The following AFAP1 variants were observed in gnomAD, a reference collection of about 807,000 sequenced individuals.
The protein encoded by AFAP1 is actin filament associated protein 1.
A neutral mutation model predicts 93.9 loss-of-function variants in AFAP1; 75 were observed. That is an observed-to-expected ratio of 0.80 (90% CI 0.66 to 0.97). The LOEUF (loss-of-function observed/expected upper bound fraction) is 0.97, where lower values mean the gene tolerates loss of function less well. AFAP1 is among the 50% of genes least tolerant of loss of function. AFAP1 has a pLI of 0.00. For synonymous variants in AFAP1, 517 were observed against 430.7 expected (o/e 1.20, Z -2.48); for missense variants, 1,201 against 1,050.8 (o/e 1.14, Z -1.98).
chr4:7,812,717 T>C lies in AFAP1; in HGVS notation c.905-2954A>G, dbSNP rs76878860. Among the ~76,000 whole-genome samples the C allele has an allele frequency of 1.2e-4, 19 of 152,324 alleles. No individual in the cohort carries two copies. In the East Asian group the frequency reaches 3.7e-3, roughly 29 times the overall value. ...ACTGGAGCAAGACTAACGCCGGGCATTCTCTAAAACCATGAGTATCATAAA... is the reference window on the plus strand; with the variant it reads ...ACTGGAGCAAGACTAACGCCGGGCACTCTCTAAAACCATGAGTATCATAAA... On this transcript the variant is annotated intron_variant, in intron 8 of 17. Transcript: ENST00000420658.
chr4:7,832,770 C>T (rs1711786139), intron 6 of AFAP1, among the ~76,000 whole-genome samples: 1 of 151,518 alleles, frequency 6.6e-6, no homozygotes, highest in Non-Finnish European at 1.5e-5. Flanking sequence ...CAGTATAAGG[C>T]CATAGTCATC....
chr4:7,927,354 T>C (rs915991736), intron 1 of AFAP1, among the ~76,000 whole-genome samples: 3 of 152,226 alleles, frequency 2.0e-5, no homozygotes, highest in Non-Finnish European at 2.9e-5. Context: ...CTGTGTGATG[T>C]TGGACAACGT....
At chr4:7,803,654 C>T (rs1363165559) in intron 9 of AFAP1, among the ~76,000 whole-genome samples, 1 of 152,212 alleles carries the variant, frequency 6.6e-6, no homozygotes, top group African/African-American at 2.4e-5. Context: ...GGAGACCTGG[C>T]CCCGATTCCC....
chr4:7,780,422 A>C (rs1716640116), intron 13 of AFAP1, among the ~76,000 whole-genome samples: 1 of 152,256 alleles, frequency 6.6e-6, no homozygotes, highest in African/African-American at 2.4e-5. Flanking sequence ...AGAATGGAGA[A>C]AAAACAAATA....
chr4:7,843,337 A>G lies in AFAP1; in HGVS notation c.348T>C (p.Asp116=), dbSNP rs1162455305. Residue 116 remains aspartate, a synonymous_variant, in exon 5 of 18, where the codon GAT becomes GAC. Transcript: ENST00000420658. ...PEYITSNYDS[D]AMSSSYESYD... ...ACGACTCATAAGAGCTGCTCATCGC[A>G]TCGGAATCATAATCTGTAAAAAATA... The G allele has an allele frequency of 5.0e-6, 8 of 1,613,202 alleles. No homozygotes were observed. The highest frequency in any genetic ancestry group is 6.8e-6 in the Non-Finnish European group (8 of 1,179,630).
chr4:7,870,386 G>C (rs551028830), intron 2 of AFAP1, among the ~76,000 whole-genome samples: 5 of 152,282 alleles, frequency 3.3e-5, no homozygotes, highest in Non-Finnish European at 7.4e-5. Flanking sequence ...CAGGCCAGGC[G>C]CAATGGTTCA....
intron 2 of AFAP1, 95 bp downstream of exon 2, chr4:7,871,857 C>T: frequency 5.4e-6 from 8 of 1,472,282 alleles, no homozygotes; most frequent in Non-Finnish European, 7.4e-6. Context: ...AGTTAAAGAA[C>T]AAATAAATAT....
intron 1 of AFAP1, among the ~76,000 whole-genome samples, chr4:7,933,488 A>G (rs1425552438): frequency 1.3e-5 from 2 of 152,022 alleles, no homozygotes; most frequent in Non-Finnish European, 2.9e-5. Context: ...CAGGAGAATC[A>G]CTTGAACCCC....
At chr4:7,797,992 G>T (rs925433342) in intron 10 of AFAP1, among the ~76,000 whole-genome samples, 8 of 152,174 alleles carry the variant, frequency 5.3e-5, no homozygotes, top group African/African-American at 1.7e-4. Flanking sequence ...CATCCTTCGT[G>T]CTATCCTTGC....
In AFAP1 at chr4:7,845,580, C is replaced by G. The variant is rs566702164; in HGVS notation, c.335-2230G>C. On this transcript the variant is annotated intron_variant, in intron 4 of 17. Coordinates refer to ENST00000420658, the MANE Select transcript of AFAP1 (RefSeq NM_001134647.2). The stretch of plus-strand genomic sequence containing the variant: ...CGAGGGATGCAATGAGGGGCTGACT[C>G]AAAGGTGAGAGGCGAACAGAACACC... 3.9e-5 allele frequency among the ~76,000 whole-genome samples: 6 copies of G among 152,198 alleles called. No homozygotes were observed. The East Asian group carries it at 1.2e-3, about 29-fold the overall frequency.
chr4:7,828,793 A>G (rs1721650444), intron 6 of AFAP1, among the ~76,000 whole-genome samples: 1 of 152,204 alleles, frequency 6.6e-6, no homozygotes, highest in Non-Finnish European at 1.5e-5. Context: ...TCCAAGAAAC[A>G]CAGTGCCTAA....
intron 4 of AFAP1, among the ~76,000 whole-genome samples, chr4:7,846,150 G>A (rs1002734279): frequency 8.5e-5 from 13 of 152,254 alleles, no homozygotes; most frequent in Admixed American, 5.2e-4. Context: ...GCCACAAAAC[G>A]ACGTCCGTGG....
chr4:7,865,238 G>T (rs1203255340), intron 3 of AFAP1, among the ~76,000 whole-genome samples: 1 of 152,162 alleles, frequency 6.6e-6, no homozygotes, highest in African/African-American at 2.4e-5. Flanking sequence ...ATTAAGCATG[G>T]CTTAGGTGTC....
chr4:7,824,047 C>T (rs1721211879), intron 6 of AFAP1, among the ~76,000 whole-genome samples: 1 of 152,360 alleles, frequency 6.6e-6, no homozygotes, highest in African/African-American at 2.4e-5. Flanking sequence ...TGTCTTTCTA[C>T]TTTGGATCTC....
intron 1 of AFAP1, among the ~76,000 whole-genome samples, chr4:7,875,685 T>C (rs1158096925): frequency 1.3e-5 from 2 of 151,418 alleles, no homozygotes; most frequent in Admixed American, 6.6e-5. Flanking sequence ...TGTCAAAAGA[T>C]AGAAAATGAA....
intron 14 of AFAP1, chr4:7,778,462 G>A: frequency 2.2e-6 from 1 of 460,004 alleles, no homozygotes. Flanking sequence ...CTGACCTGGA[G>A]CCCAGGGCCA....
At chr4:7,778,331 C>A in intron 14 of AFAP1, 2 of 257,314 alleles carry the variant, frequency 7.8e-6, no homozygotes, top group South Asian at 4.4e-5. Context: ...CGTGTATTAC[C>A]TCAGCTATTC....
intron 6 of AFAP1, among the ~76,000 whole-genome samples, chr4:7,835,957 C>G (rs971894258): frequency 2.0e-5 from 3 of 152,048 alleles, no homozygotes; most frequent in African/African-American, 7.3e-5. Context: ...GCTAACACCC[C>G]CAAGTGTGCG....
At position 7,778,754 on chromosome 4, in the gene AFAP1, A is replaced by G. The variant is rs924067045; in HGVS notation, c.1897+8T>C. 1.9e-6 allele frequency: 3 copies of G among 1,611,586 alleles called. No individual in the cohort carries two copies. Among genetic ancestry groups the G allele is most frequent in the African/African-American group, 1.3e-5 (1 of 74,872 alleles). On this transcript the variant is annotated splice_region_variant and intron_variant, in intron 14 of 17. Coordinates refer to ENST00000420658, the MANE Select transcript of AFAP1 (RefSeq NM_001134647.2). The stretch of plus-strand genomic sequence containing the variant: ...GCCGGAATGCAAGACATCCGATGGT[A>G]TACTTACTCGAACCCGTCCTTTTCA...
Sources: gnomAD v4.1 joint callset for allele counts (sites outside exome capture counted in the v4.1 genomes callset) on GRCh38, gnomAD v4.1.1 for gene constraint, MANE v1.5 for transcripts, NCBI Gene and HGNC (gene_info 2026-07-23, HGNC 2026-07-21) for gene names.